B3GAT2: variants seen among roughly 807,000 people sequenced by gnomAD.
B3GAT2 encodes the protein beta-1,3-glucuronyltransferase 2, also known as galactosylgalactosylxylosylprotein 3-beta-glucuronosyltransferase 2.
B3GAT2 carries 26 observed loss-of-function variants against 27.8 expected under a neutral mutation model. The ratio of observed to expected loss-of-function variants is 0.93; its 90% confidence interval spans 0.68 to 1.30. B3GAT2 has a LOEUF of 1.30. B3GAT2 is among the 50% of genes most tolerant of loss of function. B3GAT2 has a pLI of 0.00. For missense variants in B3GAT2, 458 were observed against 459.0 expected (o/e 1.00, Z 0.02); for synonymous variants, 218 against 195.1 (o/e 1.12, Z -0.98).
rs1231707302 is a variant in B3GAT2, at chr6:70,861,690, G to A, written c.945C>T (p.His315=). 6.2e-7 allele frequency: 1 copy of A among 1,613,982 alleles called. No homozygotes were observed. The highest frequency in any genetic ancestry group is 8.5e-7 in the Non-Finnish European group (1 of 1,179,984). ...ATACCTCAATTTTCACTGTGTCCAG[G>A]TGGTACTTTGGCTCGTTGGCTAGAT... is the stretch of plus-strand genomic sequence containing the variant. ...KVNLANEPKY[H]LDTVKIEV is the part of the protein sequence containing the mutation. The change falls in exon 4 of 4, where the codon CAC becomes CAT. Residue 315 remains histidine, a synonymous_variant. Transcript: ENST00000230053.
At chr6:70,902,568 C>T (rs1236350044) in intron 1 of B3GAT2, among the ~76,000 whole-genome samples, 1 of 148,552 alleles carries the variant, frequency 6.7e-6, no homozygotes, top group Admixed American at 6.8e-5. Context: ...AGCCAAGATA[C>T]AAAATCAACC....
chr6:70,894,868 T>C (rs1022497776), intron 1 of B3GAT2, among the ~76,000 whole-genome samples: 40 of 152,160 alleles, frequency 2.6e-4, no homozygotes, highest in African/African-American at 3.1e-4. Context: ...CTAGAGACCG[T>C]TGGAATCGCT....
intron 1 of B3GAT2, among the ~76,000 whole-genome samples, chr6:70,909,661 T>C (rs937674921): frequency 2.4e-4 from 37 of 152,224 alleles, no homozygotes; most frequent in African/African-American, 8.7e-4. Flanking sequence ...TAATACAGAA[T>C]AAATGATGTG....
intron 1 of B3GAT2, among the ~76,000 whole-genome samples, chr6:70,950,878 T>A (rs1304340569): frequency 2.0e-5 from 3 of 152,200 alleles, no homozygotes; most frequent in Non-Finnish European, 2.9e-5. Flanking sequence ...ATATTTTGCT[T>A]GTATCCATGA....
chr6:70,914,971 G>T (rs1772744744), intron 1 of B3GAT2, among the ~76,000 whole-genome samples: 2 of 152,136 alleles, frequency 1.3e-5, no homozygotes, highest in South Asian at 2.1e-4. Flanking sequence ...GATCCTTGAG[G>T]AATCGCCACA....
chr6:70,903,538 G>A (rs889848440), intron 1 of B3GAT2, among the ~76,000 whole-genome samples: 1 of 152,032 alleles, frequency 6.6e-6, no homozygotes, highest in African/African-American at 2.4e-5. Flanking sequence ...AAAAAAGTCA[G>A]TGAAAGATAT....
intron 1 of B3GAT2, among the ~76,000 whole-genome samples, chr6:70,940,346 A>T (rs930853855): frequency 6.6e-6 from 1 of 152,170 alleles, no homozygotes; most frequent in Non-Finnish European, 1.5e-5. Flanking sequence ...CAGTGTCCCC[A>T]GGCAAGGCTG....
At position 70,942,314 on chromosome 6, in the gene B3GAT2, G is replaced by A. The variant is rs576773724; in HGVS notation, c.591+13525C>T. ...CTCTCAAAGATGAGAACAGCACTTT[G>A]ACATGCAGAAGATGGAAAAGTGGCT... On this transcript the variant is annotated intron_variant, in intron 1 of 3. Coordinates refer to ENST00000230053, the MANE Select transcript of B3GAT2 (RefSeq NM_080742.3). Among the ~76,000 whole-genome samples, 4 of 152,240 alleles carry A rather than the reference G, an allele frequency of 2.6e-5. No homozygotes were observed. In the East Asian group the frequency reaches 7.7e-4, roughly 29 times the overall value.
intron 1 of B3GAT2, among the ~76,000 whole-genome samples, chr6:70,938,773 T>G (rs1325687079): frequency 6.6e-6 from 1 of 151,922 alleles, no homozygotes; most frequent in Non-Finnish European, 1.5e-5. Context: ...AACTTAAACG[T>G]TAGACCTAAA....
chr6:70,939,404 C>T (rs1337955497), intron 1 of B3GAT2, among the ~76,000 whole-genome samples: 1 of 150,426 alleles, frequency 6.6e-6, no homozygotes, highest in Non-Finnish European at 1.5e-5. Flanking sequence ...TGGGTATATA[C>T]CCAAAGGACT....
intron 1 of B3GAT2, among the ~76,000 whole-genome samples, chr6:70,897,262 A>G (rs1772403294): frequency 1.3e-5 from 2 of 151,996 alleles, no homozygotes; most frequent in African/African-American, 4.8e-5. Context: ...TTGACTTTTG[A>G]GAGTTATTTA....
chr6:70,950,901 A>G (rs1474999532), intron 1 of B3GAT2, among the ~76,000 whole-genome samples: 4 of 152,188 alleles, frequency 2.6e-5, no homozygotes, highest in African/African-American at 9.6e-5. Context: ...TAGGGTATTA[A>G]CATTTATTTA....
Position 70,857,798 on chromosome 6 carries a change from AGCCAAACTGGAATTAAAATGTTT to A in B3GAT2, c.*3842_*3864del, listed in dbSNP as rs1413290547. 1.9e-6 allele frequency: 2 copies of A among 1,069,616 alleles called. No individual in the cohort carries two copies. Among genetic ancestry groups the A allele is most frequent in the African/African-American group, 3.2e-5 (2 of 63,124 alleles). The allele number at this position is 1,069,616 out of a possible 1,614,324, so 66.3% of individuals were successfully genotyped here. ...GTGGGTTGGTCTGAGTAGTAGGAGC[AGCCAAACTGGAATTAAAATGTTT>A]GCTGTGAGTAGTTCAGAAAGGCAAT... On this transcript the variant is annotated 3_prime_UTR_variant, in exon 4 of 4. Transcript: ENST00000230053.
intron 1 of B3GAT2, among the ~76,000 whole-genome samples, chr6:70,905,472 C>T (rs1368496847): frequency 7.9e-5 from 12 of 152,282 alleles, no homozygotes; most frequent in African/African-American, 2.6e-4. Flanking sequence ...TTAAATTATA[C>T]TTAGGTTTGC....
chr6:70,917,183 C>T (rs150136865), intron 1 of B3GAT2, among the ~76,000 whole-genome samples: 32 of 152,156 alleles, frequency 2.1e-4, no homozygotes, highest in African/African-American at 3.1e-4. Flanking sequence ...ATTTTATTTG[C>T]GTAGAGGTGT....
At chr6:70,937,651 C>T (rs1286077231) in intron 1 of B3GAT2, among the ~76,000 whole-genome samples, 2 of 151,576 alleles carry the variant, frequency 1.3e-5, no homozygotes, top group South Asian at 2.1e-4. Flanking sequence ...AAGACAAAAA[C>T]CACATGATTA....
intron 1 of B3GAT2, among the ~76,000 whole-genome samples, chr6:70,945,475 G>A (rs980370398): frequency 6.6e-6 from 1 of 151,976 alleles, no homozygotes; most frequent in African/African-American, 2.4e-5. Context: ...GGGTATCAGT[G>A]ATGGAAGATG....
At chr6:70,945,304 C>A (rs1044072403) in intron 1 of B3GAT2, among the ~76,000 whole-genome samples, 2 of 151,978 alleles carry the variant, frequency 1.3e-5, no homozygotes, top group South Asian at 4.2e-4. Flanking sequence ...AAGCCAAAGG[C>A]AAAGAAGTTA....
intron 2 of B3GAT2, among the ~76,000 whole-genome samples, chr6:70,884,111 AAAC>A (rs1273913711): frequency 1.2e-4 from 17 of 143,242 alleles, no homozygotes; most frequent in African/African-American, 4.1e-4. Context: ...AAAAAAAAAA[AAAC>A]AAAAAAAACC....
Sources: gnomAD v4.1 joint callset for allele counts (sites outside exome capture counted in the v4.1 genomes callset) on GRCh38, gnomAD v4.1.1 for gene constraint, MANE v1.5 for transcripts, NCBI Gene and HGNC (gene_info 2026-07-23, HGNC 2026-07-21) for gene names.